The following WIPI2 variants were observed in gnomAD, a reference collection of about 807,000 sequenced individuals.
WIPI2 encodes WD repeat domain phosphoinositide-interacting protein 2.
Under a neutral mutation model 52.3 loss-of-function variants are expected in WIPI2, and 28 were observed. That is an observed-to-expected ratio of 0.54 (90% confidence interval 0.40 to 0.73). WIPI2 has a LOEUF of 0.73. Among genes scored for constraint, WIPI2 ranks in the 30% least tolerant of loss-of-function variants. WIPI2 has a pLI of 0.00. For synonymous variants in WIPI2, 268 were observed against 245.0 expected, an observed-to-expected ratio of 1.09 and a Z score of -0.88; for missense variants, 506 against 602.9, an observed-to-expected ratio of 0.84 and a Z score of 1.68.
rs1292307018 is a variant in WIPI2 at position 5,230,895 on chromosome 7, TGCGCCTGGATGAGGACA to T, written c.1317_1333del (p.Leu440AlafsTer9). On this transcript the variant is annotated frameshift_variant, in exon 13 of 13. Transcript: ENST00000288828. LOFTEE classifies it high-confidence loss of function. This position sits in a 1 kb window ranked among gnomAD's most constrained non-coding sequence, Gnocchi z 4.8. Reference sequence around the variant, plus strand: ...TGCCTGGAGGACGAGGCCAGCGCCCTGCGCCTGGATGAGGACAGCGAGCACCCGCCCATGATTCTTCG... The same window carrying T: ...TGCCTGGAGGACGAGGCCAGCGCCCTGCGAGCACCCGCCCATGATTCTTCG... The T allele has an allele frequency of 2.4e-5, 39 of 1,613,740 alleles. No individual in the cohort carries two copies. The highest frequency in any genetic ancestry group is 3.2e-5 in the Non-Finnish European group (38 of 1,179,856).
intron 2 of WIPI2, among the ~76,000 whole-genome samples, chr7:5,198,083 G>A (rs916685295): frequency 2.6e-5 from 4 of 152,106 alleles, no homozygotes; most frequent in Admixed American, 6.5e-5. Context: ...ACTCATAAAC[G>A]CAAGGCCATG....
chr7:5,199,908 A>T (rs946376042), intron 3 of WIPI2, among the ~76,000 whole-genome samples: 2 of 152,208 alleles, frequency 1.3e-5, no homozygotes, highest in African/African-American at 2.4e-5. Context: ...TCTTCAGTAC[A>T]TGAGCACATA....
chr7:5,213,216 T>C (rs1156714213), intron 3 of WIPI2: 6 of 152,288 alleles, frequency 3.9e-5, no homozygotes, highest in African/African-American at 1.4e-4. Flanking sequence ...TCCCCATTTG[T>C]GGCAGACGCT....
chr7:5,232,745 A>G lies in WIPI2; in HGVS notation c.*1798A>G, dbSNP rs897010630. ...TTTGGCAAGAGTGAGTGTGGGGGGA[A>G]AAAGTGTGCACAAGAGATACGGAAC... On this transcript the variant is annotated 3_prime_UTR_variant, in exon 13 of 13. Coordinates refer to ENST00000288828, the MANE Select transcript of WIPI2 (RefSeq NM_015610.4). 1.5e-5 allele frequency: 2 copies of G among 132,810 alleles called. No individual in the cohort carries two copies. Among genetic ancestry groups the G allele is most frequent in the African/African-American group, 3.3e-5 (1 of 29,876 alleles). 8.2% of individuals were successfully genotyped at this position (132,810 alleles called of 1,614,324 possible). A position where few individuals can be genotyped will look rare whatever the true frequency, so the allele number is the denominator to read the frequency against.
chr7:5,223,284 T>G (rs1783242479), intron 8 of WIPI2, among the ~76,000 whole-genome samples: 1 of 152,134 alleles, frequency 6.6e-6, no homozygotes, highest in Non-Finnish European at 1.5e-5. Context: ...GCACTTTCAG[T>G]CGCATGGCCG....
Position 5,232,036 on chromosome 7 carries a change from C to A in WIPI2, c.*1089C>A. 1 of 397,412 alleles carries A rather than the reference C, an allele frequency of 2.5e-6. No individual in the cohort carries two copies. Among genetic ancestry groups the A allele is most frequent in the Non-Finnish European group, 4.4e-6 (1 of 225,678 alleles). The allele number at this position is 397,412 out of a possible 1,614,324, so 24.6% of individuals were successfully genotyped here. ...TCAGTATTTGCCTCGCTTCCCTTCC[C>A]TTTTCATATTTACAGAATTAAAACA... On this transcript the variant is annotated 3_prime_UTR_variant, in exon 13 of 13. Coordinates refer to ENST00000288828, the MANE Select transcript of WIPI2 (RefSeq NM_015610.4).
rs528852048 is a variant in WIPI2, at chr7:5,190,634, C to T, written c.74+141C>T. 2.0e-5 allele frequency: 17 copies of T among 838,506 alleles called. No homozygotes were observed. In the East Asian group the frequency reaches 5.4e-4, roughly 27 times the overall value. The allele number at this position is 838,506 out of a possible 1,614,324, so 51.9% of individuals were successfully genotyped here. A position where few individuals can be genotyped will look rare whatever the true frequency, so the allele number is the denominator to read the frequency against. On this transcript the variant is annotated intron_variant, in intron 1 of 12. Transcript: ENST00000288828. The stretch of plus-strand genomic sequence containing the variant: ...AGGCGCGCAGAGGCGTCCCCAGGGG[C>T]GGGCCCGGGGCGTGCAGGGAGGGGC...
At position 5,231,915 on chromosome 7, in the gene WIPI2, G is replaced by A. The variant is rs1230127510; in HGVS notation, c.*968G>A. On this transcript the variant is annotated 3_prime_UTR_variant, in exon 13 of 13. Transcript: ENST00000288828. ...CGGGAGACAGCAACAGAGAGTAGGC[G>A]GCTGGGCCACGTCCTTCACAGGGCG... 3 of 319,278 alleles carry A rather than the reference G, an allele frequency of 9.4e-6. No individual in the cohort carries two copies. Among genetic ancestry groups the A allele is most frequent in the East Asian group, 9.5e-5 (2 of 21,072 alleles). The allele number at this position is 319,278 out of a possible 1,614,324, so 19.8% of individuals were successfully genotyped here. A position where few individuals can be genotyped will look rare whatever the true frequency, so the allele number is the denominator to read the frequency against.
Position 5,204,696 on chromosome 7 carries a change from G to GTTT in WIPI2, c.211+5047_211+5049dup, listed in dbSNP as rs533063392. Among the ~76,000 whole-genome samples the GTTT allele has an allele frequency of 3.7e-3, 546 of 148,004 alleles. 6 individuals carry two copies. The highest frequency in any genetic ancestry group is 0.013 in the African/African-American group (513 of 40,528). On this transcript the variant is annotated intron_variant, in intron 3 of 12. Transcript: ENST00000288828. ...CTGTTACCACTACTACTACTACTGC[G>GTTT]TTTTTTTTTTTAAAACACAGGGTCT...
chr7:5,193,103 TG>T lies in WIPI2; in HGVS notation c.75-14del, dbSNP rs772977566. The stretch of plus-strand genomic sequence containing the variant: ...TTACCATTTGTTTTTTGTTTTGTTT[TG>T]TTTTTTTACCTAGAGAAGTGAAAGG... On this transcript the variant is annotated splice_polypyrimidine_tract_variant and intron_variant, in intron 1 of 12. Coordinates refer to ENST00000288828, the MANE Select transcript of WIPI2 (RefSeq NM_015610.4). The T allele has an allele frequency of 5.0e-6, 8 of 1,612,878 alleles. No individual in the cohort carries two copies. Among genetic ancestry groups the T allele is most frequent in the Non-Finnish European group, 6.8e-6 (8 of 1,179,266 alleles).
intron 3 of WIPI2, among the ~76,000 whole-genome samples, chr7:5,209,036 G>A (rs994333032): frequency 2.2e-5 from 1 of 45,490 alleles, no homozygotes; most frequent in Non-Finnish European, 4.2e-5. Flanking sequence ...TTTTTTTTTG[G>A]TATGGAGGTC....
intron 3 of WIPI2, chr7:5,212,978 A>C (rs1459850217): frequency 6.6e-6 from 1 of 152,266 alleles, no homozygotes; most frequent in African/African-American, 2.4e-5. Flanking sequence ...GTTATGCACC[A>C]TCTCTTCTGA....
In WIPI2 at chr7:5,219,570, C is replaced by T. The variant is rs555232279; in HGVS notation, c.669+1556C>T. On this transcript the variant is annotated intron_variant, in intron 7 of 12. Coordinates refer to ENST00000288828, the MANE Select transcript of WIPI2 (RefSeq NM_015610.4). ...CCCCGCTCTGTCCCAGGTGCTGAGG[C>T]CCCCTGAGGCCTGTGACTTAATCCT... Among the ~76,000 whole-genome samples the T allele has an allele frequency of 9.2e-5, 14 of 152,290 alleles. No individual in the cohort carries two copies. In the South Asian group the frequency reaches 2.7e-3, roughly 29 times the overall value.
At position 5,232,412 on chromosome 7, in the gene WIPI2, C is replaced by T. The variant is rs182333143; in HGVS notation, c.*1465C>T. 1.0e-5 allele frequency: 4 copies of T among 397,946 alleles called. No individual in the cohort carries two copies. Among genetic ancestry groups the T allele is most frequent in the African/African-American group, 8.2e-5 (4 of 48,636 alleles). The allele number at this position is 397,946 out of a possible 1,614,324, so 24.7% of individuals were successfully genotyped here. ...CAGGGGACGCTGGAGTCCGACTCAC[C>T]TACACCGGCTTCCTCCCAGCCGCTG... is the stretch of plus-strand genomic sequence containing the variant. On this transcript the variant is annotated 3_prime_UTR_variant, in exon 13 of 13. Coordinates refer to ENST00000288828, the MANE Select transcript of WIPI2 (RefSeq NM_015610.4).
chr7:5,199,240 G>A (rs1781910189), intron 2 of WIPI2, among the ~76,000 whole-genome samples: 1 of 152,080 alleles, frequency 6.6e-6, no homozygotes, highest in Non-Finnish European at 1.5e-5. Context: ...TGGAGTGTCA[G>A]TATTTTGCCC....
In WIPI2 at chr7:5,196,231, T is replaced by C. The variant is rs1378071248; in HGVS notation, c.128+3060T>C. The stretch of plus-strand genomic sequence containing the variant: ...GTGCATGCCTCTAATCCCAGCTACC[T>C]GGAACTACCTGGAAGGCTGAGGCAG... On this transcript the variant is annotated intron_variant, in intron 2 of 12. Coordinates refer to ENST00000288828, the MANE Select transcript of WIPI2 (RefSeq NM_015610.4). Among the ~76,000 whole-genome samples the C allele has an allele frequency of 2.0e-5, 3 of 151,882 alleles. No individual in the cohort carries two copies. The East Asian group carries it at 5.8e-4, about 29-fold the overall frequency.
chr7:5,208,868 G>A (rs1782420013), intron 3 of WIPI2, among the ~76,000 whole-genome samples: 1 of 152,136 alleles, frequency 6.6e-6, no homozygotes, highest in Admixed American at 6.5e-5. Flanking sequence ...GTCTGCAAAA[G>A]AGCCTGTTGG....
At chr7:5,192,409 A>G (rs955829728) in intron 1 of WIPI2, among the ~76,000 whole-genome samples, 1 of 152,230 alleles carries the variant, frequency 6.6e-6, no homozygotes, top group Non-Finnish European at 1.5e-5. Context: ...AATTATTTCT[A>G]TCAGAATGAA....
At chr7:5,191,077 T>C (rs1005983815) in intron 1 of WIPI2, among the ~76,000 whole-genome samples, 2 of 152,136 alleles carry the variant, frequency 1.3e-5, no homozygotes, top group Non-Finnish European at 2.9e-5. Context: ...TGGAGTGCAG[T>C]GGTGCCATCT....
Sources: gnomAD v4.1 joint callset for allele counts (sites outside exome capture counted in the v4.1 genomes callset) on GRCh38, gnomAD v4.1.1 for gene constraint, Gnocchi (gnomAD v3.1) non-coding constraint, MANE v1.5 for transcripts, NCBI Gene and HGNC (gene_info 2026-07-23, HGNC 2026-07-21) for gene names.